Variants in CACNA1D observed in about 807,000 individuals in gnomAD.
CACNA1D encodes the protein calcium voltage-gated channel subunit alpha1 D.
A neutral mutation model predicts 257.1 loss-of-function variants in CACNA1D; 55 were observed. The ratio of observed to expected loss-of-function variants is 0.21; its 90% confidence interval spans 0.17 to 0.27. The LOEUF is 0.27. Ranked by LOEUF, CACNA1D falls within the 10% of genes least tolerant of loss-of-function variation. The pLI is 1.00. For synonymous variants in CACNA1D, 980 were observed against 1,014.9 expected (o/e 0.97, Z 0.65); for missense variants, 1,876 against 2,784.0 (o/e 0.67, Z 7.34).
chr3:53,802,151 C>G lies in CACNA1D; in HGVS notation c.5413C>G (p.Arg1805Gly). 1 of 1,608,044 alleles carries G rather than the reference C, an allele frequency of 6.2e-7. No individual in the cohort carries two copies. Among genetic ancestry groups the G allele is most frequent in the East Asian group, 2.2e-5 (1 of 44,852 alleles). Residue 1805 changes from arginine to glycine, a missense_variant, in exon 43 of 48, where the codon CGC (arginine) becomes GGC (glycine). By Grantham distance (125) the Arg-to-Gly change is moderately radical. This residue lies in a region of CACNA1D where 491 missense variants were observed against 554.3 expected (regional missense o/e 0.89). Coordinates refer to ENST00000350061, the MANE Select transcript of CACNA1D (RefSeq NM_001128840.3). ...TGTTATGCCTTTCCTGGATAGAACC[C>G]GCTATTATGAAACTTACATTAGGTA... is the stretch of plus-strand genomic sequence containing the variant. ...PQRRSSVKRT[R>G]YYETYIRSDS... is the part of the protein sequence containing the mutation.
intron 8 of CACNA1D, among the ~76,000 whole-genome samples, chr3:53,687,298 ATGACCTC>A (rs1451367342): frequency 6.6e-6 from 1 of 152,102 alleles, no homozygotes; most frequent in Non-Finnish European, 1.5e-5. Context: ...ATAATTGCAA[ATGACCTC>A]TAATGAAAAC....
chr3:53,776,825 C>A lies in CACNA1D; in HGVS notation c.4491-35C>A, dbSNP rs1291753317. 55 of 1,612,316 alleles carry A rather than the reference C, an allele frequency of 3.4e-5. No homozygotes were observed. The Admixed American group carries it at 8.8e-4, about 26-fold the overall frequency. ...GACTGAAAGTTCGGGCCAGCTGGTACTGTTCCTGGACCTTAGATTGTATTT... is the reference window on the plus strand; with the variant it reads ...GACTGAAAGTTCGGGCCAGCTGGTAATGTTCCTGGACCTTAGATTGTATTT... On this transcript the variant is annotated intron_variant, in intron 36 of 47. Transcript: ENST00000350061.
intron 3 of CACNA1D, among the ~76,000 whole-genome samples, chr3:53,549,180 A>T (rs975286121): frequency 4.6e-5 from 7 of 152,218 alleles, no homozygotes; most frequent in African/African-American, 1.7e-4. Context: ...AGCTCTACAG[A>T]TCAGAGGATG....
intron 3 of CACNA1D, among the ~76,000 whole-genome samples, chr3:53,557,251 T>A (rs898995394): frequency 8.5e-5 from 13 of 152,108 alleles, no homozygotes; most frequent in African/African-American, 2.9e-4. Context: ...ATCCCAGCAC[T>A]TGGGAGTCCG....
chr3:53,549,338 T>G (rs1016526253), intron 3 of CACNA1D, among the ~76,000 whole-genome samples: 2 of 152,252 alleles, frequency 1.3e-5, no homozygotes, highest in Non-Finnish European at 2.9e-5. Context: ...GATTTCCATA[T>G]GAATTTGAAT....
intron 15 of CACNA1D, among the ~76,000 whole-genome samples, chr3:53,728,245 T>C (rs2094955267): frequency 6.6e-6 from 1 of 152,178 alleles, no homozygotes; most frequent in Non-Finnish European, 1.5e-5. Flanking sequence ...TTCAAGTGAT[T>C]CTCCTGCCTC....
At chr3:53,754,178 C>T (rs1418020226) in intron 29 of CACNA1D, among the ~76,000 whole-genome samples, 1 of 152,196 alleles carries the variant, frequency 6.6e-6, no homozygotes. Context: ...CTCTCACAGC[C>T]ATACCATCTT....
chr3:53,575,388 G>C (rs2093019381), intron 3 of CACNA1D, among the ~76,000 whole-genome samples: 1 of 152,120 alleles, frequency 6.6e-6, no homozygotes, highest in African/African-American at 2.4e-5. Flanking sequence ...GGTGTGGGGT[G>C]GGGGCATGGT....
intron 3 of CACNA1D, among the ~76,000 whole-genome samples, chr3:53,581,266 C>T (rs1263304794): frequency 2.0e-5 from 3 of 152,126 alleles, no homozygotes; most frequent in African/African-American, 4.8e-5. Flanking sequence ...ACCCTGAGAG[C>T]TGAGGGTGTC....
At chr3:53,703,973 G>A (rs1374299241) in intron 9 of CACNA1D, among the ~76,000 whole-genome samples, 1 of 152,198 alleles carries the variant, frequency 6.6e-6, no homozygotes, top group South Asian at 2.1e-4. Flanking sequence ...TGGATTGCAG[G>A]TGTGACCATT....
At chr3:53,666,766 C>T (rs2094269109) in intron 7 of CACNA1D, among the ~76,000 whole-genome samples, 1 of 152,192 alleles carries the variant, frequency 6.6e-6, no homozygotes, top group Non-Finnish European at 1.5e-5. Context: ...TAGTCCTCTA[C>T]TTCCCAGTGC....
intron 3 of CACNA1D, among the ~76,000 whole-genome samples, chr3:53,560,233 TG>T (rs1559841757): frequency 6.6e-6 from 1 of 152,178 alleles, no homozygotes; most frequent in Non-Finnish European, 1.5e-5. Flanking sequence ...GGTGATACTC[TG>T]AGTTCTAGTC....
chr3:53,761,280 C>T (rs1007834112), intron 29 of CACNA1D, among the ~76,000 whole-genome samples: 2 of 152,206 alleles, frequency 1.3e-5, no homozygotes, highest in Admixed American at 6.5e-5. Context: ...CTGGAACATC[C>T]TCTTCATTCC....
intron 3 of CACNA1D, among the ~76,000 whole-genome samples, chr3:53,616,298 G>GTC (rs1287748715): frequency 6.6e-6 from 1 of 152,330 alleles, no homozygotes; most frequent in East Asian, 1.9e-4. Context: ...ATATCATCAT[G>GTC]TCTCTGTTTC....
intron 12 of CACNA1D, 123 bp downstream of exon 12, chr3:53,722,597 C>T: frequency 9.9e-7 from 1 of 1,014,466 alleles, no homozygotes; most frequent in South Asian, 1.3e-5. Context: ...TGAGGACAAA[C>T]TTGGTAGAAC....
chr3:53,504,206 G>A (rs998674516), intron 3 of CACNA1D, among the ~76,000 whole-genome samples: 1 of 152,086 alleles, frequency 6.6e-6, no homozygotes, highest in Non-Finnish European at 1.5e-5. Context: ...AAGGGCAGAC[G>A]CTGAAATGAG....
At chr3:53,617,188 A>C (rs957686826) in intron 3 of CACNA1D, among the ~76,000 whole-genome samples, 1 of 152,204 alleles carries the variant, frequency 6.6e-6, no homozygotes, top group Non-Finnish European at 1.5e-5. Context: ...TAGCAGAAGC[A>C]TCCAGCTCCC....
chr3:53,667,644 C>T lies in CACNA1D; in HGVS notation c.1116+1109C>T, dbSNP rs112010860. 1.2e-4 allele frequency among the ~76,000 whole-genome samples: 19 copies of T among 152,260 alleles called. 1 individual carries two copies. The highest frequency in any genetic ancestry group is 4.6e-4 in the African/African-American group (19 of 41,532). ...TGGTTATAAATAGGTTTTTGCTGCC[C>T]TTCAGCAGCTCACAGGATTGTAGAT... On this transcript the variant is annotated intron_variant, in intron 7 of 47. Transcript: ENST00000350061.
At chr3:53,671,236 G>A (rs1027673650) in intron 7 of CACNA1D, among the ~76,000 whole-genome samples, 1 of 152,230 alleles carries the variant, frequency 6.6e-6, no homozygotes, top group African/African-American at 2.4e-5. Context: ...CCTGAAGGAG[G>A]GTTGGTGAAG....
Sources: gnomAD v4.1 joint callset for allele counts (sites outside exome capture counted in the v4.1 genomes callset) on GRCh38, gnomAD v4.1.1 for gene constraint, gnomAD v4.1.1 regional missense constraint, MANE v1.5 for transcripts, NCBI Gene and HGNC (gene_info 2026-07-23, HGNC 2026-07-21) for gene names.